RAB3IP: variants seen among roughly 807,000 people sequenced by gnomAD.
RAB3IP encodes the protein rab-3A-interacting protein.
Under a neutral mutation model 59.1 loss-of-function variants are expected in RAB3IP, and 36 were observed. That is an observed-to-expected ratio of 0.61 (90% CI 0.47 to 0.80). RAB3IP has a LOEUF of 0.80. Among genes scored for constraint, RAB3IP ranks in the 30% least tolerant of loss-of-function variants. RAB3IP has a pLI of 0.00. For synonymous variants in RAB3IP, 207 were observed against 191.2 expected (o/e 1.08, Z -0.68); for missense variants, 511 against 536.0 (o/e 0.95, Z 0.46).
chr12:69,800,217 A>G lies in RAB3IP; in HGVS notation c.897A>G (p.Leu299=), dbSNP rs200867421. ...TTCCTTTGGTTTGTTAGGCTGACTT[A>G]TCCTTGTATAATGAATTCCGATTGT... ...PIVKDCKEAD[L]SLYNEFRLWK... The change falls in exon 7 of 11, where the codon TTA becomes TTG. Residue 299 remains leucine, a synonymous_variant. Transcript: ENST00000247833. 1.2e-5 allele frequency: 19 copies of G among 1,542,114 alleles called. No individual in the cohort carries two copies. The highest frequency in any genetic ancestry group is 1.5e-5 in the Non-Finnish European group (17 of 1,150,612).
chr12:69,789,386 G>C (rs999270089), intron 4 of RAB3IP, among the ~76,000 whole-genome samples: 27 of 152,126 alleles, frequency 1.8e-4, no homozygotes, highest in Admixed American at 1.6e-3. Flanking sequence ...GGATAATCTA[G>C]AAGAAATAGA....
At chr12:69,769,734 T>TCTCTTTAACTCTAAA (rs1361814692) in intron 3 of RAB3IP, among the ~76,000 whole-genome samples, 1 of 152,118 alleles carries the variant, frequency 6.6e-6, no homozygotes, top group East Asian at 1.9e-4. Flanking sequence ...TAGATATGTC[T>TCTCTTTAACTCTAAA]CTCTTTAAGG....
chr12:69,756,615 A>C lies in RAB3IP; in HGVS notation c.462A>C (p.Arg154Ser). 1 of 1,614,100 alleles carries C rather than the reference A, an allele frequency of 6.2e-7. No individual in the cohort carries two copies. Among genetic ancestry groups the C allele is most frequent in the Non-Finnish European group, 8.5e-7 (1 of 1,179,942 alleles). Residue 154 changes from arginine to serine, a missense_variant, in exon 3 of 11, where the codon AGA becomes AGC. Arg to Ser is a moderately radical substitution (Grantham distance 110). Coordinates refer to ENST00000247833, the MANE Select transcript of RAB3IP (RefSeq NM_022456.5). ...GAAGCCCATCTGTTTTGGAAGTTAG[A>C]GAAAAGGGCTATGAACGATTAAAAG... ...RLRSPSVLEV[R>S]EKGYERLKEE...
intron 3 of RAB3IP, among the ~76,000 whole-genome samples, chr12:69,762,791 A>AAAAGAG (rs1157340146): frequency 2.6e-5 from 4 of 151,390 alleles, no homozygotes; most frequent in Non-Finnish European, 4.4e-5. Context: ...AAAAAAGAGA[A>AAAAGAG]AAAGAGAAAA....
At chr12:69,768,637 G>C (rs1872616872) in intron 3 of RAB3IP, among the ~76,000 whole-genome samples, 1 of 152,192 alleles carries the variant, frequency 6.6e-6, no homozygotes, top group Non-Finnish European at 1.5e-5. Context: ...GTCTCACGCA[G>C]ATCAGTTCAT....
intron 3 of RAB3IP, among the ~76,000 whole-genome samples, chr12:69,758,756 C>CTTTTTTTTTT (rs71437121): frequency 2.1e-4 from 10 of 48,222 alleles, no homozygotes; most frequent in Admixed American, 3.4e-4. Flanking sequence ...GTGTTCATTC[C>CTTTTTTTTTT]TTTTTTTTTT....
At chr12:69,796,594 C>A in intron 6 of RAB3IP, 1 of 594,700 alleles carries the variant, frequency 1.7e-6, no homozygotes, top group South Asian at 2.1e-5. Context: ...CAATGTTAAC[C>A]TGTTTTAATT....
At position 69,794,437 on chromosome 12, in the gene RAB3IP, G is replaced by A. The variant is rs1877129131; in HGVS notation, c.607G>A (p.Glu203Lys). The change falls in exon 5 of 11, where the codon GAA (glutamate) becomes AAA (lysine). Residue 203 changes from glutamate (E) to lysine (K), a missense_variant and splice_region_variant. By Grantham distance (56) the Glu-to-Lys change is moderately conservative. Coordinates refer to ENST00000247833, the MANE Select transcript of RAB3IP (RefSeq NM_022456.5). Reference protein sequence around the residue: ...LEELTASLFEEAHKMVREANI... With the variant: ...LEELTASLFEKAHKMVREANI... ...AAATTTGAGATGTTAACTTTTTCAG[G>A]AAGCTCATAAAATGGTGAGAGAAGC... 1.9e-6 allele frequency: 3 copies of A among 1,608,338 alleles called. No individual in the cohort carries two copies. The highest frequency in any genetic ancestry group is 2.5e-6 in the Non-Finnish European group (3 of 1,177,508).
chr12:69,786,246 A>T (rs1199338130), intron 4 of RAB3IP, among the ~76,000 whole-genome samples: 1 of 152,234 alleles, frequency 6.6e-6, no homozygotes, highest in African/African-American at 2.4e-5. Flanking sequence ...ATAATCTACT[A>T]GGTGCCTGTT....
chr12:69,784,243 C>T (rs1171027054), intron 3 of RAB3IP, among the ~76,000 whole-genome samples: 1 of 151,912 alleles, frequency 6.6e-6, no homozygotes, highest in Non-Finnish European at 1.5e-5. Context: ...TGGATATAGT[C>T]TCCTAATAGA....
In RAB3IP at chr12:69,759,783, G is replaced by A. The variant is rs557391885; in HGVS notation, c.510+3120G>A. On this transcript the variant is annotated intron_variant, in intron 3 of 10. Coordinates refer to ENST00000247833, the MANE Select transcript of RAB3IP (RefSeq NM_022456.5). ...TCCCTCCCGGATGGGGCGGCTGGCC[G>A]GGCGGGGGCTGACCTCCCACCTCCC... 4.0e-5 allele frequency among the ~76,000 whole-genome samples: 6 copies of A among 151,648 alleles called. No homozygotes were observed. The South Asian group carries it at 1.0e-3, about 26-fold the overall frequency.
At chr12:69,781,247 G>A (rs551546435) in intron 3 of RAB3IP, among the ~76,000 whole-genome samples, 20 of 152,090 alleles carry the variant, frequency 1.3e-4, no homozygotes, top group South Asian at 4.2e-4. Flanking sequence ...GCAGTTTTAG[G>A]TTCACAGCAA....
In RAB3IP at chr12:69,822,367, G is replaced by C. The variant is rs993133498; in HGVS notation, c.*6921G>C. 1.3e-5 allele frequency: 2 copies of C among 152,098 alleles called. No homozygotes were observed. Among genetic ancestry groups the C allele is most frequent in the Non-Finnish European group, 2.9e-5 (2 of 68,044 alleles). 9.4% of individuals were successfully genotyped at this position (152,098 alleles called of 1,614,324 possible). On this transcript the variant is annotated 3_prime_UTR_variant, in exon 11 of 11. Coordinates refer to ENST00000247833, the MANE Select transcript of RAB3IP (RefSeq NM_022456.5). ...GCCCCAGCCAACACATTCTGCCACA[G>C]AGATCTCTCTGAGTTAAATGGGATT... is the stretch of plus-strand genomic sequence containing the variant.
At chr12:69,786,362 T>C (rs1875645172) in intron 4 of RAB3IP, among the ~76,000 whole-genome samples, 1 of 152,152 alleles carries the variant, frequency 6.6e-6, no homozygotes, top group African/African-American at 2.4e-5. Context: ...TTTCTGTCTT[T>C]TTGGGGTCAT....
intron 8 of RAB3IP, among the ~76,000 whole-genome samples, chr12:69,807,768 G>A (rs1592618605): frequency 1.3e-5 from 2 of 149,540 alleles, no homozygotes; most frequent in South Asian, 4.3e-4. Flanking sequence ...CGGCTGGGCA[G>A]AGGCGCTCCT....
intron 1 of RAB3IP, among the ~76,000 whole-genome samples, chr12:69,750,953 A>T (rs1869185066): frequency 6.6e-6 from 1 of 152,102 alleles, no homozygotes; most frequent in Non-Finnish European, 1.5e-5. Context: ...TAAATCCATT[A>T]TTTCATTAGG....
At chr12:69,756,962 C>T (rs1011345902) in intron 3 of RAB3IP, among the ~76,000 whole-genome samples, 3 of 152,190 alleles carry the variant, frequency 2.0e-5, no homozygotes, top group Non-Finnish European at 4.4e-5. Flanking sequence ...GGCTATATTC[C>T]ACATGCAGGG....
chr12:69,795,403 G>C (rs1877290669), intron 6 of RAB3IP, 59 bp downstream of exon 6: 2 of 1,391,942 alleles, frequency 1.4e-6, no homozygotes. Flanking sequence ...TCTCATCACT[G>C]AGGTGTCAGT....
intron 8 of RAB3IP, among the ~76,000 whole-genome samples, chr12:69,808,841 G>A (rs1241813187): frequency 6.6e-6 from 1 of 152,078 alleles, no homozygotes; most frequent in Non-Finnish European, 1.5e-5. Context: ...GATGGGTCTT[G>A]ACTCTTTATC....
Sources: gnomAD v4.1 joint callset for allele counts (sites outside exome capture counted in the v4.1 genomes callset) on GRCh38, gnomAD v4.1.1 for gene constraint, MANE v1.5 for transcripts, NCBI Gene and HGNC (gene_info 2026-07-23, HGNC 2026-07-21) for gene names.